STK24: variants seen among roughly 807,000 people sequenced by gnomAD.
The protein encoded by STK24 is serine/threonine-protein kinase 24.
Under a neutral mutation model 55.6 loss-of-function variants are expected in STK24, and 21 were observed. The observed-to-expected ratio is 0.38, with a 90% CI of 0.27 to 0.54. The LOEUF is 0.54. STK24 is among the 20% of genes least tolerant of loss of function. The pLI, the probability that STK24 is intolerant of heterozygous loss-of-function variation, is 0.79. For synonymous variants in STK24, 200 were observed against 215.2 expected (o/e 0.93, Z 0.62); for missense variants, 383 against 538.4 (o/e 0.71, Z 2.86).
At chr13:98,456,240 A>G (rs1893447819) in intron 10 of STK24, 1 of 321,422 alleles carries the variant, frequency 3.1e-6, no homozygotes, top group Non-Finnish European at 6.2e-6. Context: ...CCCTTCAATC[A>G]CTTCCAAATA....
chr13:98,493,829 CA>C lies in STK24; in HGVS notation c.274-11509del, dbSNP rs200400753. 4.9e-4 allele frequency among the ~76,000 whole-genome samples: 71 copies of C among 145,604 alleles called. 1 individual carries two copies. The highest frequency in any genetic ancestry group is 1.4e-3 in the African/African-American group (56 of 39,230). ...AGAATAAAGACTTAACGGTATTCTG[CA>C]AAAAAAAAATTTTTTTTTTTTTTTT... On this transcript the variant is annotated intron_variant, in intron 2 of 10. Coordinates refer to ENST00000539966, the MANE Select transcript of STK24 (RefSeq NM_001032296.4).
At chr13:98,473,368 A>G (rs1218013365) in intron 5 of STK24, among the ~76,000 whole-genome samples, 1 of 148,762 alleles carries the variant, frequency 6.7e-6, no homozygotes, top group East Asian at 2.0e-4. Flanking sequence ...GAAGAGAATA[A>G]TCGAGGTGGT....
chr13:98,463,830 T>A lies in STK24; in HGVS notation c.790A>T (p.Thr264Ser). Residue 264 changes from threonine (T) to serine (S), a missense_variant, in exon 7 of 11, where the codon ACT becomes TCT. By Grantham distance (58) the Thr-to-Ser change is moderately conservative. Coordinates refer to ENST00000539966, the MANE Select transcript of STK24 (RefSeq NM_001032296.4). ...CLNKEPSFRP[T>S]AKELLKHKFI... ...TTGTGCTTCAATAACTCCTTAGCAG[T>A]GGGTCTCTGGAAAAACACACCCAAC... 1 of 1,612,436 alleles carries A rather than the reference T, an allele frequency of 6.2e-7. No homozygotes were observed. Among genetic ancestry groups the A allele is most frequent in the African/African-American group, 1.3e-5 (1 of 74,956 alleles).
At chr13:98,569,878 T>A (rs1336329208) in intron 1 of STK24, among the ~76,000 whole-genome samples, 5 of 135,168 alleles carry the variant, frequency 3.7e-5, no homozygotes, top group African/African-American at 1.1e-4. Flanking sequence ...CAGGCAGAAA[T>A]TTTTTTTTTT....
intron 1 of STK24, among the ~76,000 whole-genome samples, chr13:98,558,228 T>C (rs1207453409): frequency 3.9e-5 from 6 of 152,338 alleles, no homozygotes; most frequent in East Asian, 1.9e-4. Flanking sequence ...TTGGCTGATA[T>C]ACCACCTATT....
At chr13:98,528,253 G>A (rs778083575) in intron 1 of STK24, among the ~76,000 whole-genome samples, 18 of 152,160 alleles carry the variant, frequency 1.2e-4, no homozygotes, top group Admixed American at 2.6e-4. Context: ...ACCTTGCAAG[G>A]CGAAAACCTA....
chr13:98,477,559 C>T (rs551592942), intron 3 of STK24, among the ~76,000 whole-genome samples: 13 of 151,980 alleles, frequency 8.6e-5, no homozygotes, highest in African/African-American at 3.1e-4. Context: ...CTTGTAATCC[C>T]AGCTACTTGG....
At chr13:98,521,795 G>GT in intron 1 of STK24, 1 of 781,366 alleles carries the variant, frequency 1.3e-6, no homozygotes, top group Non-Finnish European at 2.4e-6. Context: ...CCAGGATGAG[G>GT]TAGAGTGGCC....
chr13:98,472,346 G>T (rs1894183971), intron 5 of STK24, among the ~76,000 whole-genome samples: 2 of 152,166 alleles, frequency 1.3e-5, no homozygotes, highest in African/African-American at 4.8e-5. Context: ...GTTGGAACTG[G>T]AACTCTGAAG....
At position 98,576,776 on chromosome 13, in the gene STK24, G is replaced by A; in HGVS notation, c.11C>T (p.Ser4Phe). The A allele has an allele frequency of 6.9e-7, 1 of 1,440,416 alleles. No homozygotes were observed. Among genetic ancestry groups the A allele is most frequent in the Non-Finnish European group, 9.1e-7 (1 of 1,098,140 alleles). 89.2% of individuals were successfully genotyped at this position (1,440,416 alleles called of 1,614,324 possible). A position where few individuals can be genotyped will look rare whatever the true frequency, so the allele number is the denominator to read the frequency against. The change falls in exon 1 of 11, where the codon TCC becomes TTC. Residue 4 changes from serine to phenylalanine, a missense_variant. Physicochemically the swap from Ser to Phe is radical, Grantham distance 155 (BLOSUM62 -2). Coordinates refer to ENST00000539966, the MANE Select transcript of STK24 (RefSeq NM_001032296.4). Reference sequence around the variant, plus strand: ...GCCGGGCAGGCCCGACTGCACCGGGGAGTGAGCCATGGCGCTCAGGACGGC... The same window carrying A: ...GCCGGGCAGGCCCGACTGCACCGGGAAGTGAGCCATGGCGCTCAGGACGGC... MAHSPVQSGLPGMQ... is the reference protein window; with the variant it reads MAHFPVQSGLPGMQ...
At chr13:98,497,223 C>A (rs1895282351) in intron 2 of STK24, among the ~76,000 whole-genome samples, 1 of 152,138 alleles carries the variant, frequency 6.6e-6, no homozygotes, top group South Asian at 2.1e-4. Context: ...GTGAGCTGCT[C>A]CCTGACCCCT....
At chr13:98,482,452 G>A in intron 2 of STK24, 131 bp from the exon 3 acceptor site, 1 of 561,666 alleles carries the variant, frequency 1.8e-6, no homozygotes, top group South Asian at 2.2e-5. Flanking sequence ...AGCACGGGAA[G>A]TGTGTCAAAG....
In STK24 at chr13:98,445,907, A is replaced by G. The variant is rs1475221167; in HGVS notation, c.*7266T>C. On this transcript the variant is annotated 3_prime_UTR_variant, in exon 11 of 11. Coordinates refer to ENST00000539966, the MANE Select transcript of STK24 (RefSeq NM_001032296.4). ...CCCAAGATGCCCCACAGCAAGTGAC[A>G]AGGGGAAGTGATGAGATCAGGGTCC... The G allele has an allele frequency of 1.3e-5, 7 of 541,048 alleles. No homozygotes were observed. The highest frequency in any genetic ancestry group is 2.3e-5 in the Non-Finnish European group (7 of 302,558). The allele number at this position is 541,048 out of a possible 1,614,324, so 33.5% of individuals were successfully genotyped here.
intron 2 of STK24, among the ~76,000 whole-genome samples, chr13:98,499,445 C>T (rs553194091): frequency 6.6e-6 from 1 of 152,180 alleles, no homozygotes; most frequent in Non-Finnish European, 1.5e-5. Flanking sequence ...GAAAGAAGCA[C>T]CCTCTCATCA....
At chr13:98,533,405 A>G (rs1157472660) in intron 1 of STK24, among the ~76,000 whole-genome samples, 1 of 151,820 alleles carries the variant, frequency 6.6e-6, no homozygotes, top group Non-Finnish European at 1.5e-5. Context: ...AAGATTAAGG[A>G]ATACTTAATA....
chr13:98,545,948 TA>T (rs936506067), intron 1 of STK24, among the ~76,000 whole-genome samples: 3 of 151,898 alleles, frequency 2.0e-5, no homozygotes, highest in Admixed American at 6.6e-5. Context: ...CTTCTGAAGC[TA>T]AAAAAAACAT....
At chr13:98,515,414 A>G (rs943069160) in intron 2 of STK24, among the ~76,000 whole-genome samples, 1 of 151,988 alleles carries the variant, frequency 6.6e-6, no homozygotes, top group Non-Finnish European at 1.5e-5. Context: ...TAGCTGGTTT[A>G]ATTTCCCAAA....
At chr13:98,542,674 T>A (rs61058891) in intron 1 of STK24, among the ~76,000 whole-genome samples, 2,403 of 152,022 alleles carry the variant, frequency 0.016, 63 homozygotes, top group African/African-American at 0.055. Context: ...AATGCTCGGG[T>A]TTCCCGGTTC....
At chr13:98,558,370 G>C (rs575368514) in intron 1 of STK24, among the ~76,000 whole-genome samples, 1 of 152,246 alleles carries the variant, frequency 6.6e-6, no homozygotes, top group African/African-American at 2.4e-5. Context: ...GTTTTCATGG[G>C]AACTACTGAA....
Sources: gnomAD v4.1 joint callset for allele counts (sites outside exome capture counted in the v4.1 genomes callset) on GRCh38, gnomAD v4.1.1 for gene constraint, MANE v1.5 for transcripts, NCBI Gene and HGNC (gene_info 2026-07-23, HGNC 2026-07-21) for gene names.